Variants in SVIL observed in about 807,000 individuals in gnomAD.
SVIL encodes archvillin.
A neutral mutation model predicts 240.4 loss-of-function variants in SVIL; 101 were observed. The ratio of observed to expected loss-of-function variants is 0.42; its 90% CI spans 0.36 to 0.50. The LOEUF (loss-of-function observed/expected upper bound fraction) is 0.50. Ranked by LOEUF, SVIL falls within the 20% of genes least tolerant of loss-of-function variation. The pLI is 0.01. For synonymous variants in SVIL, 999 were observed against 1,100.0 expected (o/e 0.91, Z 1.82); for missense variants, 2,512 against 2,818.7 (o/e 0.89, Z 2.46).
At chr10:29,681,417 G>GTGTA (rs1360461189) in intron 2 of SVIL, among the ~76,000 whole-genome samples, 2 of 150,094 alleles carry the variant, frequency 1.3e-5, no homozygotes, top group East Asian at 3.9e-4. Context: ...GTGTGTGTGT[G>GTGTA]TGTGTGTGTG....
intron 1 of SVIL, among the ~76,000 whole-genome samples, chr10:29,711,021 A>C (rs1963236187): frequency 6.6e-6 from 1 of 152,256 alleles, no homozygotes; most frequent in Admixed American, 6.5e-5. Context: ...AAATGCGTTA[A>C]AAACTAGAGG....
intron 6 of SVIL, among the ~76,000 whole-genome samples, chr10:29,544,512 T>C (rs1053133136): frequency 2.0e-5 from 3 of 152,094 alleles, no homozygotes; most frequent in Non-Finnish European, 4.4e-5. Context: ...CCCAGCACTT[T>C]GGGAGGCCAA....
chr10:29,493,506 C>T (rs1263171685), intron 20 of SVIL, 115 bp from the exon 21 acceptor site: 17 of 1,171,538 alleles, frequency 1.5e-5, no homozygotes, highest in East Asian at 2.5e-5. Flanking sequence ...GGAAGAAACA[C>T]GGTTGTGATA....
intron 1 of SVIL, among the ~76,000 whole-genome samples, chr10:29,584,618 C>T (rs1193199999): frequency 1.3e-5 from 2 of 152,328 alleles, no homozygotes; most frequent in African/African-American, 2.4e-5. Flanking sequence ...ACAACAGAAC[C>T]CCGTGCCTCG....
intron 1 of SVIL, among the ~76,000 whole-genome samples, chr10:29,701,536 TAAGG>T (rs758995999): frequency 1.4e-4 from 21 of 152,086 alleles, no homozygotes; most frequent in East Asian, 1.4e-3. Context: ...GGAAATAAAA[TAAGG>T]AAGTAACAGG....
At chr10:29,672,341 T>C (rs1329822821) in intron 2 of SVIL, among the ~76,000 whole-genome samples, 1 of 152,122 alleles carries the variant, frequency 6.6e-6, no homozygotes, top group African/African-American at 2.4e-5. Flanking sequence ...TCTAGAGTGT[T>C]AAAACCAATG....
At chr10:29,527,312 G>T (rs538640582) in intron 12 of SVIL, among the ~76,000 whole-genome samples, 1 of 152,250 alleles carries the variant, frequency 6.6e-6, no homozygotes, top group African/African-American at 2.4e-5. Flanking sequence ...ACTCTGTCTT[G>T]AGAATACATG....
At chr10:29,662,853 G>A (rs1279196805) in intron 2 of SVIL, among the ~76,000 whole-genome samples, 1 of 152,208 alleles carries the variant, frequency 6.6e-6, no homozygotes, top group Non-Finnish European at 1.5e-5. Context: ...GCTCATGCCT[G>A]TAATCCCAGC....
At position 29,550,524 on chromosome 10, in the gene SVIL, C is replaced by T. The variant is rs1452365490; in HGVS notation, c.827+73G>A. The T allele has an allele frequency of 3.5e-6, 5 of 1,440,122 alleles. 1 individual carries two copies. Among genetic ancestry groups the T allele is most frequent in the Non-Finnish European group, 3.7e-6 (4 of 1,081,808 alleles). The allele number at this position is 1,440,122 out of a possible 1,614,324, so 89.2% of individuals were successfully genotyped here. A position where few individuals can be genotyped will look rare whatever the true frequency, so the allele number is the denominator to read the frequency against. ...CCACATAATGCTTAGAATAGCCAAA[C>T]CCTATCACACAGAGAGGCAAAAAGA... On this transcript the variant is annotated intron_variant, in intron 6 of 37. Coordinates refer to ENST00000355867, the MANE Select transcript of SVIL (RefSeq NM_021738.3).
At chr10:29,691,059 G>A (rs868461576) in intron 1 of SVIL, among the ~76,000 whole-genome samples, 10 of 152,172 alleles carry the variant, frequency 6.6e-5, no homozygotes, top group South Asian at 4.1e-4. Context: ...TTCTGGAAGA[G>A]TAAAAAGACT....
chr10:29,462,796 C>T (rs893430045), intron 35 of SVIL, among the ~76,000 whole-genome samples: 1 of 152,192 alleles, frequency 6.6e-6, no homozygotes, highest in African/African-American at 2.4e-5. Context: ...GCATCTTATA[C>T]ATCCACATTC....
intron 2 of SVIL, among the ~76,000 whole-genome samples, chr10:29,567,553 C>A (rs1212334994): frequency 1.3e-5 from 2 of 152,204 alleles, no homozygotes; most frequent in East Asian, 3.8e-4. Context: ...GACATAATGT[C>A]CATGATTTGA....
At chr10:29,544,324 A>G (rs950671850) in intron 6 of SVIL, among the ~76,000 whole-genome samples, 1 of 152,224 alleles carries the variant, frequency 6.6e-6, no homozygotes, top group African/African-American at 2.4e-5. Context: ...TTCTGCAGAT[A>G]GGTACAGGTA....
chr10:29,548,935 G>C (rs1952949197), intron 6 of SVIL, among the ~76,000 whole-genome samples: 1 of 152,166 alleles, frequency 6.6e-6, no homozygotes, highest in Non-Finnish European at 1.5e-5. Flanking sequence ...TTTTTAAAAC[G>C]AACATAAGAC....
At chr10:29,472,952 G>A (rs1006444074) in intron 30 of SVIL, among the ~76,000 whole-genome samples, 6 of 152,284 alleles carry the variant, frequency 3.9e-5, no homozygotes, top group Non-Finnish European at 8.8e-5. Flanking sequence ...GCAGTGGTGC[G>A]GGTAACATTT....
At chr10:29,466,373 G>A (rs1448445018) in intron 33 of SVIL, among the ~76,000 whole-genome samples, 1 of 152,002 alleles carries the variant, frequency 6.6e-6, no homozygotes, top group African/African-American at 2.4e-5. Flanking sequence ...TTGGCAAAGA[G>A]GAAAAAATAA....
At chr10:29,507,113 G>A (rs904946514) in intron 17 of SVIL, among the ~76,000 whole-genome samples, 6 of 152,206 alleles carry the variant, frequency 3.9e-5, no homozygotes, top group African/African-American at 1.4e-4. Flanking sequence ...GGGGCCCATG[G>A]TCTCTAGTTT....
At chr10:29,604,308 T>A (rs549044837) in intron 1 of SVIL, among the ~76,000 whole-genome samples, 3 of 144,782 alleles carry the variant, frequency 2.1e-5, no homozygotes, top group Non-Finnish European at 4.5e-5. Context: ...CAAGCAATTC[T>A]CATGCCTCAG....
chr10:29,580,137 T>C (rs996988594), intron 1 of SVIL, among the ~76,000 whole-genome samples: 1 of 151,662 alleles, frequency 6.6e-6, no homozygotes, highest in Non-Finnish European at 1.5e-5. Flanking sequence ...GAGAGCAGCC[T>C]GGGCAACAAA....
Sources: gnomAD v4.1 joint callset for allele counts (sites outside exome capture counted in the v4.1 genomes callset) on GRCh38, gnomAD v4.1.1 for gene constraint, MANE v1.5 for transcripts, NCBI Gene and HGNC (gene_info 2026-07-23, HGNC 2026-07-21) for gene names.